Variants in ARID4B observed in about 807,000 individuals in gnomAD.
ARID4B encodes AT-rich interactive domain-containing protein 4B.
Under a neutral mutation model 147.5 loss-of-function variants are expected in ARID4B, and 26 were observed. That is an observed-to-expected ratio of 0.18 (90% CI 0.13 to 0.24). ARID4B has a LOEUF of 0.24. Among genes scored for constraint, ARID4B ranks in the 10% least tolerant of loss-of-function variants. The pLI, the probability that ARID4B is intolerant of heterozygous loss-of-function variation, is 1.00. For synonymous variants in ARID4B, 512 were observed against 507.9 expected (o/e 1.01, Z -0.11); for missense variants, 1,179 against 1,511.5 (o/e 0.78, Z 3.65).
chr1:235,285,145 C>A (rs1042587153), intron 2 of ARID4B, among the ~76,000 whole-genome samples: 21 of 152,140 alleles, frequency 1.4e-4, no homozygotes, highest in Non-Finnish European at 7.4e-5. Flanking sequence ...TAGTCTTAGA[C>A]TCCTGGACTT....
intron 17 of ARID4B, among the ~76,000 whole-genome samples, chr1:235,207,470 G>A (rs1343208664): frequency 2.0e-5 from 3 of 152,140 alleles, no homozygotes; most frequent in Non-Finnish European, 2.9e-5. Context: ...AAAGCAAAAG[G>A]AGAGAAAAAG....
At chr1:235,249,336 A>C (rs575439180) in intron 6 of ARID4B, among the ~76,000 whole-genome samples, 3 of 152,156 alleles carry the variant, frequency 2.0e-5, no homozygotes, top group Non-Finnish European at 4.4e-5. Flanking sequence ...CTGTCTCAAA[A>C]AAATAAATAA....
intron 2 of ARID4B, among the ~76,000 whole-genome samples, chr1:235,277,253 T>C (rs1671375367): frequency 6.6e-6 from 1 of 151,592 alleles, no homozygotes; most frequent in African/African-American, 2.4e-5. Flanking sequence ...CTCTAAAATT[T>C]AAAAAAGATT....
intron 20 of ARID4B, among the ~76,000 whole-genome samples, chr1:235,179,525 CAAAAAAAAAAAA>C (rs61143006): frequency 9.5e-4 from 46 of 48,372 alleles, no homozygotes; most frequent in African/African-American, 2.4e-3. Context: ...CTCTATGTCT[CAAAAAAAAAAAA>C]AAAAAAAAAA....
Position 235,270,251 on chromosome 1 carries a change from C to T in ARID4B, c.7-9499G>A, listed in dbSNP as rs375397009. On this transcript the variant is annotated intron_variant, in intron 2 of 23. Transcript: ENST00000264183. ...TGAGCCGAGATCATGCCACTGGACT[C>T]CAGCCCGGGCGACAGAGAGAGACTC... Among the ~76,000 whole-genome samples the T allele has an allele frequency of 1.1e-4, 16 of 152,248 alleles. 1 individual carries two copies. Among genetic ancestry groups the T allele is most frequent in the African/African-American group, 3.9e-4 (16 of 41,536 alleles).
intron 19 of ARID4B, chr1:235,190,190 G>T (rs1343287508): frequency 3.3e-5 from 5 of 152,462 alleles, no homozygotes; most frequent in African/African-American, 1.2e-4. Flanking sequence ...GCTCATGCCA[G>T]TAATCCCAGC....
chr1:235,252,775 T>C lies in ARID4B; in HGVS notation c.309A>G (p.Arg103=). Residue 103 remains arginine, a synonymous_variant, in exon 6 of 24, where the codon CGA becomes CGG. Transcript: ENST00000264183. ...FDDGDEKTLR[R]SSLCLKGERH... is the part of the protein sequence containing the mutation. ...TCTCTCCTTTCAGGCACAGTGAAGA[T>C]CGTCTCAGTGTCTTCTCATCTCCGT... 1 of 1,612,262 alleles carries C rather than the reference T, an allele frequency of 6.2e-7. No homozygotes were observed. Among genetic ancestry groups the C allele is most frequent in the East Asian group, 2.2e-5 (1 of 44,730 alleles).
chr1:235,276,288 G>A (rs753837170), intron 2 of ARID4B, among the ~76,000 whole-genome samples: 3 of 150,170 alleles, frequency 2.0e-5, no homozygotes, highest in Non-Finnish European at 4.4e-5. Context: ...ACGCTAATTA[G>A]TAGCATTAGC....
chr1:235,230,464 TAC>T lies in ARID4B; in HGVS notation c.742+647_742+648del, dbSNP rs1572033321. Among the ~76,000 whole-genome samples, 8 of 151,140 alleles carry T rather than the reference TAC, an allele frequency of 5.3e-5. No individual in the cohort carries two copies. The East Asian group carries it at 1.6e-3, about 29-fold the overall frequency. On this transcript the variant is annotated intron_variant, in intron 10 of 23. Transcript: ENST00000264183. ...AACAAAAAAAACAACAACACAAAGT[TAC>T]TTTGATTCCTTTCTTCTACCATTCC...
chr1:235,181,207 G>A (rs1161074825), intron 20 of ARID4B: 22 of 881,750 alleles, frequency 2.5e-5, no homozygotes, highest in Non-Finnish European at 2.7e-5. Context: ...CAAAATGTTC[G>A]TGAGAAACTG....
At chr1:235,269,945 T>C (rs1413184568) in intron 2 of ARID4B, among the ~76,000 whole-genome samples, 1 of 152,004 alleles carries the variant, frequency 6.6e-6, no homozygotes, top group Non-Finnish European at 1.5e-5. Context: ...TGTTTTTTGT[T>C]TGTCTGTTTT....
In ARID4B at chr1:235,240,461, G is replaced by GA. The variant is rs557067580; in HGVS notation, c.447-11dup. On this transcript the variant is annotated splice_polypyrimidine_tract_variant and intron_variant, in intron 7 of 23. Transcript: ENST00000264183. ...AGACTCTTCCTCTGGTCTAGGGAGA[G>GA]AAAAAAATAAAATATTTCCATTTAT... 37 of 1,609,754 alleles carry GA rather than the reference G, an allele frequency of 2.3e-5. No individual in the cohort carries two copies. The East Asian group carries it at 7.6e-4, about 33-fold the overall frequency.
chr1:235,209,811 G>T (rs922216358), intron 17 of ARID4B, among the ~76,000 whole-genome samples: 1 of 152,048 alleles, frequency 6.6e-6, no homozygotes, highest in African/African-American at 2.4e-5. Flanking sequence ...TGATCTGCCC[G>T]CCTCGGCCTC....
chr1:235,169,651 T>G (rs1663192654), intron 23 of ARID4B, among the ~76,000 whole-genome samples: 1 of 150,896 alleles, frequency 6.6e-6, no homozygotes, highest in Non-Finnish European at 1.5e-5. Flanking sequence ...TTCTCCTGCC[T>G]CAGCCTCCTT....
chr1:235,315,173 C>T (rs1674343655), intron 2 of ARID4B, among the ~76,000 whole-genome samples: 1 of 152,132 alleles, frequency 6.6e-6, no homozygotes, highest in Non-Finnish European at 1.5e-5. Context: ...TCTGTAATCC[C>T]AACATTTTGG....
At chr1:235,308,948 G>A (rs1028634421) in intron 2 of ARID4B, among the ~76,000 whole-genome samples, 8 of 151,868 alleles carry the variant, frequency 5.3e-5, no homozygotes, top group Admixed American at 1.3e-4. Flanking sequence ...CGTCTGGGAC[G>A]TGAGGAGCCC....
intron 8 of ARID4B, among the ~76,000 whole-genome samples, chr1:235,236,831 AAAATATATATATATAT>A (rs1406776839): frequency 1.5e-4 from 4 of 27,518 alleles, no homozygotes; most frequent in African/African-American, 6.5e-4. Flanking sequence ...GGTTTTATAA[AAAATATATATATATAT>A]ATATATATAT....
At chr1:235,301,524 G>A (rs1400099975) in intron 2 of ARID4B, among the ~76,000 whole-genome samples, 1 of 143,776 alleles carries the variant, frequency 7.0e-6, no homozygotes, top group Non-Finnish European at 1.5e-5. Context: ...GTGAGAGTGA[G>A]ACCCTATTTC....
intron 22 of ARID4B, among the ~76,000 whole-genome samples, chr1:235,173,768 AAAAATATATAT>A (rs1279754023): frequency 2.3e-5 from 1 of 44,192 alleles, no homozygotes; most frequent in African/African-American, 1.4e-4. Flanking sequence ...AAAAAAAAAA[AAAAATATATAT>A]ATATATATAT....
Sources: gnomAD v4.1 joint callset for allele counts (sites outside exome capture counted in the v4.1 genomes callset) on GRCh38, gnomAD v4.1.1 for gene constraint, MANE v1.5 for transcripts, NCBI Gene and HGNC (gene_info 2026-07-23, HGNC 2026-07-21) for gene names.